The following MUC20 variants were observed in gnomAD, a reference collection of about 807,000 sequenced individuals.
MUC20 encodes the protein mucin 20, cell surface associated.
A neutral mutation model predicts 23.8 loss-of-function variants in MUC20; 14 were observed. The observed-to-expected ratio is 0.59, with a 90% CI of 0.39 to 0.92. The LOEUF (loss-of-function observed/expected upper bound fraction) is 0.92, where lower values mean the gene tolerates loss of function less well. Among genes scored for constraint, MUC20 ranks in the 40% least tolerant of loss-of-function variants. The pLI, the probability that MUC20 is intolerant of heterozygous loss-of-function variation, is 0.00. For synonymous variants in MUC20, 166 were observed against 279.3 expected (o/e 0.59, Z 4.04); for missense variants, 375 against 668.8 (o/e 0.56, Z 4.85).
rs772584537 is a variant in MUC20 at position 195,726,408 on chromosome 3, C to A, written c.1805C>A (p.Thr602Asn). The change falls in exon 2 of 4, where the codon ACC becomes AAC. Residue 602 changes from threonine (T) to asparagine (N), a missense_variant. Physicochemically the swap from Thr to Asn is moderately conservative, Grantham distance 65. Around this residue, in one of 4 missense-constraint regions of MUC20, gnomAD observed 343 missense variants for 340.2 expected, o/e 1.01. Transcript: ENST00000447234. ...MDIATKGPFP[T>N]SRDPLPSVPP... is the part of the protein sequence containing the mutation. Reference sequence around the variant, plus strand: ...ATCGCAACCAAGGGGCCCTTCCCCACCAGCAGGGACCCTCTTCCTTCTGTC... The same window carrying A: ...ATCGCAACCAAGGGGCCCTTCCCCAACAGCAGGGACCCTCTTCCTTCTGTC... 11 of 1,614,096 alleles carry A rather than the reference C, an allele frequency of 6.8e-6. No homozygotes were observed. The East Asian group carries it at 2.5e-4, about 36-fold the overall frequency.
At chr3:195,722,814 C>G (rs1291233486) in intron 1 of MUC20, 2 of 987,826 alleles carry the variant, frequency 2.0e-6, no homozygotes, top group African/African-American at 3.5e-5. Flanking sequence ...ACAGTTCCTG[C>G]AAAAGTGAGA....
chr3:195,723,420 G>C, intron 1 of MUC20, among the ~76,000 whole-genome samples: 1 of 83,644 alleles, frequency 1.2e-5, no homozygotes, highest in African/African-American at 5.2e-5. Flanking sequence ...AGCTGTGTAG[G>C]CTGGACCAAG....
intron 1 of MUC20, 54 bp downstream of exon 1, chr3:195,721,137 G>A (rs1412499434): frequency 8.7e-6 from 13 of 1,502,100 alleles, no homozygotes; most frequent in African/African-American, 1.4e-5. Context: ...GGCTCTGGGA[G>A]TGAATTTCAG....
Position 195,726,417 on chromosome 3 carries a change from A to C in MUC20, c.1814A>C (p.Asp605Ala), listed in dbSNP as rs3828405. 0.071 allele frequency: 105,777 copies of C among 1,492,558 alleles called. 828 individuals carry two copies. Among genetic ancestry groups the C allele is most frequent in the East Asian group, 0.17 (7,019 of 40,638 alleles). The allele number at this position is 1,492,558 out of a possible 1,614,324, so 92.5% of individuals were successfully genotyped here. A position where few individuals can be genotyped will look rare whatever the true frequency, so the allele number is the denominator to read the frequency against. The change falls in exon 2 of 4, where the codon GAC becomes GCC. Residue 605 changes from aspartate to alanine, a missense_variant. Asp to Ala is a moderately radical substitution (Grantham distance 126). Around this residue, in one of 4 missense-constraint regions of MUC20, gnomAD observed 343 missense variants for 340.2 expected, o/e 1.01. Transcript: ENST00000447234. Reference protein sequence around the residue: ...ATKGPFPTSRDPLPSVPPTTT... With the variant: ...ATKGPFPTSRAPLPSVPPTTT... ...AAGGGGCCCTTCCCCACCAGCAGGG[A>C]CCCTCTTCCTTCTGTCCCTCCGACT... is the stretch of plus-strand genomic sequence containing the variant.
intron 1 of MUC20, among the ~76,000 whole-genome samples, chr3:195,723,564 A>G (rs1187203639): frequency 1.6e-5 from 2 of 121,996 alleles, no homozygotes; most frequent in Non-Finnish European, 3.5e-5. Context: ...TATGTAGCCA[A>G]TATTGCATGA....
chr3:195,728,105 G>T (rs796759545), intron 2 of MUC20, among the ~76,000 whole-genome samples: 5 of 151,014 alleles, frequency 3.3e-5, no homozygotes, highest in African/African-American at 1.2e-4. Context: ...AAAGTGAAGG[G>T]GTGGCCTGCC....
intron 1 of MUC20, 51 bp from the exon 2 acceptor site, chr3:195,724,629 T>C (rs1251696302): frequency 2.1e-6 from 1 of 466,260 alleles, no homozygotes; most frequent in Non-Finnish European, 3.7e-6. Flanking sequence ...CAATAGCTTG[T>C]GTGAAGTCCA....
In MUC20 at chr3:195,729,638, C is replaced by T. The variant is rs1267090615; in HGVS notation, c.1970-10C>T. 1 of 1,568,974 alleles carries T rather than the reference C, an allele frequency of 6.4e-7. No individual in the cohort carries two copies. The highest frequency in any genetic ancestry group is 8.7e-7 in the Non-Finnish European group (1 of 1,155,544). On this transcript the variant is annotated splice_polypyrimidine_tract_variant and intron_variant, in intron 2 of 3. Transcript: ENST00000447234. ...GCCCTGATTTTCATCTTACTGTTCTCCATTTGCAGGTGAAAATGGAGGTTT... is the reference window on the plus strand; with the variant it reads ...GCCCTGATTTTCATCTTACTGTTCTTCATTTGCAGGTGAAAATGGAGGTTT...
chr3:195,732,262 G>A (rs1350848122), intron 3 of MUC20, among the ~76,000 whole-genome samples: 1 of 152,242 alleles, frequency 6.6e-6, no homozygotes, highest in Non-Finnish European at 1.5e-5. Context: ...ACCCACCTCA[G>A]CCTCCCAAAG....
chr3:195,722,038 A>AAG (rs1712177787), intron 1 of MUC20: 1 of 183,766 alleles, frequency 5.4e-6, no homozygotes, highest in Admixed American at 6.5e-5. Flanking sequence ...AAAAAAAAAA[A>AAG]AGCTGCAGTG....
In MUC20 at chr3:195,725,935, C is replaced by T. The variant is rs773690467; in HGVS notation, c.1332C>T (p.Leu444=). The change falls in exon 2 of 4, where the codon CTC becomes CTT. Residue 444 remains leucine (L), a synonymous_variant. Coordinates refer to ENST00000447234, the MANE Select transcript of MUC20 (RefSeq NM_001282506.2). ...TCCCTGGGGCCTCAGACACAGATCTCATCCCCACGGAAGGGGTGAAGGCCT... is the reference window on the plus strand; with the variant it reads ...TCCCTGGGGCCTCAGACACAGATCTTATCCCCACGGAAGGGGTGAAGGCCT... ...SSIPGASDTD[L]IPTEGVKASS... is the part of the protein sequence containing the mutation. 3.1e-6 allele frequency: 5 copies of T among 1,613,600 alleles called. No homozygotes were observed. The East Asian group carries it at 8.9e-5, about 29-fold the overall frequency.
intron 2 of MUC20, among the ~76,000 whole-genome samples, chr3:195,729,045 C>T (rs931345016): frequency 4.1e-4 from 63 of 152,386 alleles, no homozygotes; most frequent in African/African-American, 1.5e-3. Flanking sequence ...TCATGTCTTT[C>T]CTTTCTACAG....
intron 3 of MUC20, among the ~76,000 whole-genome samples, chr3:195,731,238 C>A (rs1026355251): frequency 6.6e-5 from 10 of 152,254 alleles, no homozygotes; most frequent in Non-Finnish European, 1.2e-4. Context: ...GGGTGCCACA[C>A]TGCTGAAAAG....
rs1470260399 is a variant in MUC20, at chr3:195,726,132, T to C, written c.1529T>C (p.Val510Ala). Residue 510 changes from valine to alanine, a missense_variant, in exon 2 of 4, where the codon GTG becomes GCG. This residue lies in a region of MUC20 where 343 missense variants were observed against 340.2 expected (regional missense o/e 1.01). Transcript: ENST00000447234. ...ACTAACAGCGCCACAGAAAGAGAAG[T>C]GACAGCACCCGGGGCCACGACCCTC... is the stretch of plus-strand genomic sequence containing the variant. ...LPTNSATERE[V>A]TAPGATTLSG... 6 of 1,608,518 alleles carry C rather than the reference T, an allele frequency of 3.7e-6. No individual in the cohort carries two copies. The highest frequency in any genetic ancestry group is 4.3e-6 in the Non-Finnish European group (5 of 1,175,884).
chr3:195,733,176 G>A lies in MUC20; in HGVS notation c.2088G>A (p.Ala696=), dbSNP rs776579696. The A allele has an allele frequency of 1.3e-5, 20 of 1,595,248 alleles. No homozygotes were observed. The highest frequency in any genetic ancestry group is 6.9e-5 in the East Asian group (3 of 43,422). Residue 696 remains alanine, a synonymous_variant, in exon 4 of 4, where the codon GCG becomes GCA. Transcript: ENST00000447234. ...QQLHRELHAH[A]PHFQVSLLRV... ...TCCACCGGGAACTCCACGCCCACGCGCCTCACTTCCAGGTCTCCTTACTGC... is the reference window on the plus strand; with the variant it reads ...TCCACCGGGAACTCCACGCCCACGCACCTCACTTCCAGGTCTCCTTACTGC...
At chr3:195,731,473 A>C (rs1713381664) in intron 3 of MUC20, among the ~76,000 whole-genome samples, 1 of 152,252 alleles carries the variant, frequency 6.6e-6, no homozygotes, top group Admixed American at 6.5e-5. Context: ...AGCGTCCCAG[A>C]GTGCATAGAA....
Position 195,733,377 on chromosome 3 carries a change from G to C in MUC20, c.*159G>C, listed in dbSNP as rs1048351555. On this transcript the variant is annotated 3_prime_UTR_variant, in exon 4 of 4. Coordinates refer to ENST00000447234, the MANE Select transcript of MUC20 (RefSeq NM_001282506.2). ...TGTCCAAGCCCCTGACCCCAGATGT[G>C]GCAACAGGACCCTCGCTCACATCCA... 3 of 1,472,482 alleles carry C rather than the reference G, an allele frequency of 2.0e-6. No homozygotes were observed. The highest frequency in any genetic ancestry group is 2.8e-5 in the African/African-American group (2 of 71,500). The allele number at this position is 1,472,482 out of a possible 1,614,324, so 91.2% of individuals were successfully genotyped here. A position where few individuals can be genotyped will look rare whatever the true frequency, so the allele number is the denominator to read the frequency against.
intron 3 of MUC20, among the ~76,000 whole-genome samples, chr3:195,732,349 TTTTTC>T (rs1216349529): frequency 6.3e-5 from 9 of 142,918 alleles, no homozygotes; most frequent in African/African-American, 1.5e-4. Flanking sequence ...TTTCTTTCTC[TTTTTC>T]TTTTCTTTTC....
At chr3:195,731,559 G>T (rs1264561561) in intron 3 of MUC20, among the ~76,000 whole-genome samples, 3 of 152,250 alleles carry the variant, frequency 2.0e-5, no homozygotes, top group African/African-American at 7.2e-5. Context: ...CAGACAGTGG[G>T]ATCAGGCTGG....
Sources: allele counts gnomAD v4.1 joint callset (sites outside exome capture counted in the v4.1 genomes callset), GRCh38; gene constraint gnomAD v4.1.1; regional missense constraint gnomAD v4.1.1; transcripts MANE v1.5; gene names NCBI Gene and HGNC (gene_info 2026-07-23, HGNC 2026-07-21).